Variants in RETREG1 observed in about 807,000 individuals in gnomAD.
RETREG1 encodes reticulophagy regulator 1.
In RETREG1, 44 loss-of-function variants were observed where a neutral mutation model predicts 54.8. The ratio of observed to expected loss-of-function variants is 0.80; its 90% confidence interval spans 0.63 to 1.03. RETREG1 has a LOEUF of 1.03. RETREG1 is among the 50% of genes least tolerant of loss of function. RETREG1 has a pLI of 0.00. For missense variants in RETREG1, 554 were observed against 605.1 expected, an observed-to-expected ratio of 0.92 and a Z score of 0.89; for synonymous variants, 217 against 238.5, an observed-to-expected ratio of 0.91 and a Z score of 0.83.
At chr5:16,497,240 C>T (rs924287011) in intron 3 of RETREG1, among the ~76,000 whole-genome samples, 5 of 152,114 alleles carry the variant, frequency 3.3e-5, no homozygotes, top group Admixed American at 1.3e-4. Flanking sequence ...TAAGAAGAGG[C>T]GACCAGGATC....
intron 3 of RETREG1, among the ~76,000 whole-genome samples, chr5:16,562,310 T>C (rs1023382986): frequency 6.6e-6 from 1 of 152,062 alleles, no homozygotes; most frequent in African/African-American, 2.4e-5. Context: ...AGTGAAACTC[T>C]GTCTCAAAAA....
intron 3 of RETREG1, among the ~76,000 whole-genome samples, chr5:16,515,816 C>T (rs753999666): frequency 6.6e-6 from 1 of 152,064 alleles, no homozygotes; most frequent in Non-Finnish European, 1.5e-5. Flanking sequence ...CACAGCAATG[C>T]GCGAGGGAAA....
chr5:16,490,593 A>G (rs1342048572), intron 3 of RETREG1, among the ~76,000 whole-genome samples: 2 of 151,054 alleles, frequency 1.3e-5, no homozygotes, highest in Non-Finnish European at 3.0e-5. Flanking sequence ...ACTTACTTCA[A>G]TCCTTACAAC....
intron 1 of RETREG1, among the ~76,000 whole-genome samples, chr5:16,612,899 C>T (rs1333017444): frequency 2.0e-5 from 3 of 152,122 alleles, no homozygotes; most frequent in African/African-American, 7.2e-5. Context: ...TGTTCAGTTC[C>T]TGCACCATTT....
In RETREG1 at chr5:16,514,670, A is replaced by G. The variant is rs537852335; in HGVS notation, c.459-31198T>C. On this transcript the variant is annotated intron_variant, in intron 3 of 8. Transcript: ENST00000306320. ...TACGGTACCCAGTGTGCAGTCTTTTATCCCTCACCTCCCTCCCACCATTCC... is the reference window on the plus strand; with the variant it reads ...TACGGTACCCAGTGTGCAGTCTTTTGTCCCTCACCTCCCTCCCACCATTCC... Among the ~76,000 whole-genome samples, 4 of 151,850 alleles carry G rather than the reference A, an allele frequency of 2.6e-5. 1 individual carries two copies. The highest frequency in any genetic ancestry group is 9.7e-5 in the African/African-American group (4 of 41,444).
At chr5:16,592,498 C>T (rs1180437562) in intron 1 of RETREG1, among the ~76,000 whole-genome samples, 1 of 148,984 alleles carries the variant, frequency 6.7e-6, no homozygotes, top group Admixed American at 6.7e-5. Flanking sequence ...ATGGCAGTTC[C>T]TCAAAGAGCT....
intron 3 of RETREG1, among the ~76,000 whole-genome samples, chr5:16,510,830 A>C (rs1318168019): frequency 2.6e-5 from 4 of 151,236 alleles, no homozygotes; most frequent in African/African-American, 9.7e-5. Flanking sequence ...AAAAAAAAAA[A>C]AAAAAAAAAA....
chr5:16,560,384 C>T (rs1354429048), intron 3 of RETREG1, among the ~76,000 whole-genome samples: 1 of 152,142 alleles, frequency 6.6e-6, no homozygotes, highest in Non-Finnish European at 1.5e-5. Context: ...AATGTAAAAG[C>T]TTAACAATGG....
intron 3 of RETREG1, among the ~76,000 whole-genome samples, chr5:16,542,437 A>T (rs1741276427): frequency 6.6e-6 from 1 of 151,294 alleles, no homozygotes; most frequent in African/African-American, 2.5e-5. Flanking sequence ...TCAATAGACG[A>T]TAGTCAATAG....
intron 3 of RETREG1, among the ~76,000 whole-genome samples, chr5:16,485,949 AAG>A (rs1476244922): frequency 1.3e-5 from 2 of 152,224 alleles, no homozygotes; most frequent in African/African-American, 4.8e-5. Flanking sequence ...GCTGGAAAGA[AAG>A]AAAAAAATAT....
At chr5:16,539,831 C>G (rs1561112037) in intron 3 of RETREG1, among the ~76,000 whole-genome samples, 1 of 152,188 alleles carries the variant, frequency 6.6e-6, no homozygotes, top group Non-Finnish European at 1.5e-5. Context: ...TCAAATAATG[C>G]TGGGACTTAA....
At chr5:16,566,613 T>C (rs577624539) in intron 2 of RETREG1, among the ~76,000 whole-genome samples, 2 of 152,362 alleles carry the variant, frequency 1.3e-5, no homozygotes, top group South Asian at 2.1e-4. Flanking sequence ...AAATCCTTCT[T>C]AACCTTTACT....
At chr5:16,556,978 C>T (rs1031073546) in intron 3 of RETREG1, among the ~76,000 whole-genome samples, 2 of 152,090 alleles carry the variant, frequency 1.3e-5, no homozygotes, top group Admixed American at 6.6e-5. Context: ...TACAGGCGCC[C>T]GCCACCATGC....
chr5:16,588,526 C>T (rs1257266037), intron 1 of RETREG1, among the ~76,000 whole-genome samples: 1 of 152,186 alleles, frequency 6.6e-6, no homozygotes, highest in Non-Finnish European at 1.5e-5. Flanking sequence ...CCTGCCGGCC[C>T]CAAGGTCACT....
intron 3 of RETREG1, among the ~76,000 whole-genome samples, chr5:16,503,886 C>CT (rs112194947): frequency 1.3e-5 from 2 of 151,262 alleles, no homozygotes; most frequent in African/African-American, 4.9e-5. Context: ...TCCAGCTTCA[C>CT]TTTTTTTTTC....
At chr5:16,526,784 C>T (rs2126588832) in intron 3 of RETREG1, among the ~76,000 whole-genome samples, 1 of 152,178 alleles carries the variant, frequency 6.6e-6, no homozygotes, top group South Asian at 2.1e-4. Flanking sequence ...CTGTTATCAC[C>T]CCCGTGGTGG....
chr5:16,537,779 G>GCAC (rs1741121369), intron 3 of RETREG1, among the ~76,000 whole-genome samples: 1 of 152,016 alleles, frequency 6.6e-6, no homozygotes, highest in Non-Finnish European at 1.5e-5. Flanking sequence ...GCAGCATGCA[G>GCAC]CATGCAGCAT....
chr5:16,603,337 A>T (rs1156821302), intron 1 of RETREG1, among the ~76,000 whole-genome samples: 1 of 152,232 alleles, frequency 6.6e-6, no homozygotes, highest in Non-Finnish European at 1.5e-5. Flanking sequence ...TTAAGATTAG[A>T]AAAACAAACA....
At chr5:16,556,350 C>T (rs1283955437) in intron 3 of RETREG1, among the ~76,000 whole-genome samples, 1 of 151,850 alleles carries the variant, frequency 6.6e-6, no homozygotes, top group East Asian at 1.9e-4. Flanking sequence ...TTAGTAGAGA[C>T]GGGGTTTCAC....
Sources: allele counts gnomAD v4.1 joint callset (sites outside exome capture counted in the v4.1 genomes callset), GRCh38; gene constraint gnomAD v4.1.1; transcripts MANE v1.5; gene names NCBI Gene and HGNC (gene_info 2026-07-23, HGNC 2026-07-21).